Variants in MRTFA observed in about 807,000 individuals in gnomAD.
MRTFA encodes myocardin related transcription factor A.
In MRTFA, 20 loss-of-function variants were observed where a neutral mutation model predicts 83.5. The observed-to-expected ratio is 0.24, with a 90% CI of 0.17 to 0.35. The LOEUF (loss-of-function observed/expected upper bound fraction) is 0.35. Among genes scored for constraint, MRTFA ranks in the 10% least tolerant of loss-of-function variants. The probability of loss-of-function intolerance (pLI) is 1.00; values close to 1 mark genes in which losing one functional copy is unlikely to be tolerated. For missense variants in MRTFA, 1,200 were observed against 1,224.7 expected, an observed-to-expected ratio of 0.98 and a Z score of 0.30; for synonymous variants, 659 against 541.2, an observed-to-expected ratio of 1.22 and a Z score of -3.02.
At chr22:40,604,745 CAAAAAAAGG>C (rs1027124783) in intron 1 of MRTFA, among the ~76,000 whole-genome samples, 2 of 150,184 alleles carry the variant, frequency 1.3e-5, no homozygotes, top group African/African-American at 5.0e-5. Context: ...GACTCCATCT[CAAAAAAAGG>C]AAAAAAAAGA....
intron 2 of MRTFA, among the ~76,000 whole-genome samples, chr22:40,584,474 C>T (rs572490860): frequency 6.6e-5 from 10 of 152,304 alleles, no homozygotes; most frequent in African/African-American, 1.2e-4. Context: ...TGGTGGCTTG[C>T]GCCTATAATC....
rs2147153441 is a variant in MRTFA, at chr22:40,463,294, G to C, written c.242-8C>G. 6.2e-7 allele frequency: 1 copy of C among 1,613,448 alleles called. No homozygotes were observed. Among genetic ancestry groups the C allele is most frequent in the East Asian group, 2.2e-5 (1 of 44,878 alleles). On this transcript the variant is annotated splice_polypyrimidine_tract_variant and splice_region_variant and intron_variant, in intron 3 of 14. Coordinates refer to ENST00000355630, the MANE Select transcript of MRTFA (RefSeq NM_020831.6). The stretch of plus-strand genomic sequence containing the variant: ...GGAGTTTCAACTGTAGCACTGCAGG[G>C]CAGCAGAGAGAGAGGAGAGATGAGG...
At chr22:40,634,954 A>T (rs2056678671) in intron 1 of MRTFA, among the ~76,000 whole-genome samples, 1 of 152,216 alleles carries the variant, frequency 6.6e-6, no homozygotes, top group Non-Finnish European at 1.5e-5. Context: ...TGACTTTTGG[A>T]AGCCTTCTTA....
intron 1 of MRTFA, among the ~76,000 whole-genome samples, chr22:40,622,491 A>AAAAAAAAT (rs2056535330): frequency 6.6e-6 from 1 of 151,950 alleles, no homozygotes; most frequent in Non-Finnish European, 1.5e-5. Context: ...CAAAAAAAAA[A>AAAAAAAAT]AGAATTATCC....
At chr22:40,604,558 C>A (rs1042207229) in intron 1 of MRTFA, among the ~76,000 whole-genome samples, 21 of 151,860 alleles carry the variant, frequency 1.4e-4, no homozygotes, top group African/African-American at 5.1e-4. Context: ...ACCAGCATGA[C>A]CAACATGGTG....
intron 3 of MRTFA, among the ~76,000 whole-genome samples, chr22:40,500,181 G>C (rs867050571): frequency 1.3e-5 from 2 of 150,146 alleles, no homozygotes; most frequent in Non-Finnish European, 1.5e-5. Context: ...TGCCCACCTC[G>C]GCCTCCCAAA....
chr22:40,414,649 G>C (rs565888909), intron 14 of MRTFA, among the ~76,000 whole-genome samples: 1 of 152,296 alleles, frequency 6.6e-6, no homozygotes, highest in East Asian at 1.9e-4. Flanking sequence ...GTCTACTTCT[G>C]TGAGGTCCCC....
intron 3 of MRTFA, among the ~76,000 whole-genome samples, chr22:40,521,436 A>G (rs1396915911): frequency 1.3e-5 from 2 of 152,096 alleles, no homozygotes; most frequent in African/African-American, 2.4e-5. Flanking sequence ...TTTATTTCTA[A>G]AACGTTTAAA....
At chr22:40,598,962 C>T (rs1296963867) in intron 1 of MRTFA, among the ~76,000 whole-genome samples, 3 of 146,256 alleles carry the variant, frequency 2.1e-5, no homozygotes, top group African/African-American at 7.6e-5. Context: ...TGTGCCACTG[C>T]ACTCCAGCCT....
chr22:40,604,904 T>C (rs1569348786), intron 1 of MRTFA, among the ~76,000 whole-genome samples: 1 of 152,186 alleles, frequency 6.6e-6, no homozygotes, highest in Non-Finnish European at 1.5e-5. Context: ...TGTCGTTGAA[T>C]GAATGAGGCA....
intron 3 of MRTFA, chr22:40,522,441 G>C (rs1230840575): frequency 6.6e-6 from 1 of 152,216 alleles, no homozygotes; most frequent in Non-Finnish European, 1.5e-5. Flanking sequence ...TCACACTGAA[G>C]GGAAAGAAGA....
intron 3 of MRTFA, among the ~76,000 whole-genome samples, chr22:40,485,570 C>T (rs1055856858): frequency 6.6e-6 from 1 of 152,160 alleles, no homozygotes; most frequent in Non-Finnish European, 1.5e-5. Flanking sequence ...CCTAAATTTC[C>T]TTTACCACAG....
chr22:40,612,480 G>A (rs1024637136), intron 1 of MRTFA, among the ~76,000 whole-genome samples: 1 of 152,186 alleles, frequency 6.6e-6, no homozygotes, highest in African/African-American at 2.4e-5. Flanking sequence ...AATCAAATTT[G>A]GCACGCAAAC....
chr22:40,424,501 G>A, intron 7 of MRTFA, 120 bp from the exon 8 acceptor site: 1 of 1,078,932 alleles, frequency 9.3e-7, no homozygotes, highest in South Asian at 1.5e-5. Flanking sequence ...GCCCCGTGAG[G>A]CAGGCAAGCC....
chr22:40,548,964 CTG>C (rs1209830160), intron 3 of MRTFA, among the ~76,000 whole-genome samples: 1 of 151,684 alleles, frequency 6.6e-6, no homozygotes, highest in African/African-American at 2.4e-5. Context: ...TCACAAAACT[CTG>C]TAAGACATTA....
chr22:40,495,111 C>T (rs1371643248), intron 3 of MRTFA, among the ~76,000 whole-genome samples: 7 of 151,986 alleles, frequency 4.6e-5, no homozygotes, highest in East Asian at 1.9e-4. Context: ...CAGTAGCTCA[C>T]GCCTGTAATC....
intron 2 of MRTFA, among the ~76,000 whole-genome samples, chr22:40,576,028 C>CT (rs918851256): frequency 0.076 from 9,964 of 131,308 alleles, 566 homozygotes; most frequent in East Asian, 0.23. Context: ...ATGTAAATTT[C>CT]TTTTTTTTTT....
At chr22:40,602,131 T>C (rs996177136) in intron 1 of MRTFA, among the ~76,000 whole-genome samples, 14 of 152,226 alleles carry the variant, frequency 9.2e-5, no homozygotes, top group African/African-American at 2.9e-4. Context: ...GAGAGGGACC[T>C]ATACAAGACT....
intron 3 of MRTFA, among the ~76,000 whole-genome samples, chr22:40,517,080 G>A (rs1237186838): frequency 3.9e-5 from 6 of 151,930 alleles, no homozygotes; most frequent in Non-Finnish European, 8.8e-5. Context: ...GCACTGCCAC[G>A]CCTGGCTAAT....
Sources: allele counts gnomAD v4.1 joint callset (sites outside exome capture counted in the v4.1 genomes callset), GRCh38; gene constraint gnomAD v4.1.1; transcripts MANE v1.5; gene names NCBI Gene and HGNC (gene_info 2026-07-23, HGNC 2026-07-21).